COL5A2: variants seen among roughly 807,000 people sequenced by gnomAD.
COL5A2 encodes collagen alpha-2(V) chain.
COL5A2 carries 23 observed loss-of-function variants against 208.2 expected under a neutral mutation model. That is an observed-to-expected ratio of 0.11 (90% CI 0.08 to 0.16). The LOEUF (loss-of-function observed/expected upper bound fraction) is 0.16. Ranked by LOEUF, COL5A2 falls within the 10% of genes least tolerant of loss-of-function variation. The probability of loss-of-function intolerance (pLI) is 1.00; values close to 1 mark genes in which losing one functional copy is unlikely to be tolerated. For synonymous variants in COL5A2, 625 were observed against 628.5 expected (o/e 0.99, Z 0.08); for missense variants, 1,590 against 1,956.4 (o/e 0.81, Z 3.53).
At chr2:189,133,159 T>C (rs1346881414) in intron 1 of COL5A2, 2 of 134,710 alleles carry the variant, frequency 1.5e-5, no homozygotes, top group Non-Finnish European at 3.1e-5. Flanking sequence ...TCTTGCTCTG[T>C]CGGCAGGCTG....
the COL5A2 span, among the ~76,000 whole-genome samples, chr2:189,428,439 G>C: frequency 6.6e-6 from 1 of 152,100 alleles, no homozygotes; most frequent in Admixed American, 6.6e-5. Context: ...CTAACATAGT[G>C]AAATCCCATC....
chr2:189,100,442 A>G (rs1687025409), intron 3 of COL5A2, among the ~76,000 whole-genome samples: 3 of 152,126 alleles, frequency 2.0e-5, no homozygotes, highest in Admixed American at 2.0e-4. Flanking sequence ...TAGTTGCAAC[A>G]AAAAGATGTA....
At chr2:189,271,195 G>A in the COL5A2 span, among the ~76,000 whole-genome samples, 23 of 151,942 alleles carry the variant, frequency 1.5e-4, no homozygotes, top group Non-Finnish European at 2.1e-4. Context: ...AGCCCGTATC[G>A]TCAAGACAAT....
the COL5A2 span, among the ~76,000 whole-genome samples, chr2:189,240,775 A>G: frequency 6.6e-6 from 1 of 152,170 alleles, no homozygotes; most frequent in Non-Finnish European, 1.5e-5. Context: ...TTTTCATAAT[A>G]TAATCTTCAG....
At chr2:189,063,919 T>C in intron 26 of COL5A2, 61 bp downstream of exon 26, 2 of 1,303,020 alleles carry the variant, frequency 1.5e-6, no homozygotes, top group East Asian at 2.3e-5. Flanking sequence ...ATAAATATCA[T>C]TTAAGTTGCA....
At chr2:189,149,256 A>G (rs547500944) in intron 1 of COL5A2, among the ~76,000 whole-genome samples, 16 of 152,236 alleles carry the variant, frequency 1.1e-4, no homozygotes, top group Non-Finnish European at 2.2e-4. Flanking sequence ...CCATGATAAC[A>G]TCTTATATGT....
intron 32 of COL5A2, 53 bp from the exon 33 acceptor site, chr2:189,058,580 T>G: frequency 6.8e-7 from 1 of 1,476,206 alleles, no homozygotes; most frequent in Non-Finnish European, 9.5e-7. Context: ...TAAAAATAGG[T>G]CAAAATGTTT....
chr2:189,151,828 A>G (rs1355288306), intron 1 of COL5A2, among the ~76,000 whole-genome samples: 5 of 152,180 alleles, frequency 3.3e-5, no homozygotes, highest in African/African-American at 9.6e-5. Flanking sequence ...CTATCCTAGT[A>G]AGAAATTATA....
At chr2:189,364,560 AC>A in the COL5A2 span, among the ~76,000 whole-genome samples, 2 of 151,974 alleles carry the variant, frequency 1.3e-5, no homozygotes, top group African/African-American at 4.8e-5. Flanking sequence ...GGTGGTGGGC[AC>A]CTGTCATTCC....
At chr2:189,376,095 T>C in the COL5A2 span, among the ~76,000 whole-genome samples, 2 of 152,250 alleles carry the variant, frequency 1.3e-5, no homozygotes, top group African/African-American at 4.8e-5. Flanking sequence ...CTTGTTTTAT[T>C]ATGTGGCTCT....
chr2:189,388,723 A>G, the COL5A2 span, among the ~76,000 whole-genome samples: 1 of 152,188 alleles, frequency 6.6e-6, no homozygotes. Flanking sequence ...ACTATAAAGG[A>G]ATATGCTCCC....
chr2:189,057,508 T>A, intron 33 of COL5A2, 81 bp from the exon 34 acceptor site: 2 of 1,004,154 alleles, frequency 2.0e-6, no homozygotes, highest in Non-Finnish European at 3.2e-6. Context: ...GGGTCAAAAG[T>A]AGTTGTCAGC....
chr2:189,085,254 C>G, intron 10 of COL5A2, 41 bp from the exon 11 acceptor site: 1 of 1,490,312 alleles, frequency 6.7e-7, no homozygotes, highest in African/African-American at 1.4e-5. Context: ...AGAATATTTA[C>G]CTTTACTTGC....
intron 2 of COL5A2, 44 bp from the exon 3 acceptor site, chr2:189,104,321 A>G: frequency 1.6e-6 from 2 of 1,269,020 alleles, no homozygotes; most frequent in Non-Finnish European, 2.3e-6. Flanking sequence ...TGAGGAAACA[A>G]TTATTGAGAA....
rs1488633067 is a variant in COL5A2 at position 189,092,370 on chromosome 2, T to G, written c.507A>C (p.Gln169His). ...GIDGEPGVPG[Q>H]PGAPGPPGHP... ...GTCCAGGAGGTCCTGGAGCACCAGG[T>G]TGACCAGGAACACCTGGTTCTCCAT... The change falls in exon 7 of 54, where the codon CAA becomes CAC. Residue 169 changes from glutamine to histidine, a missense_variant. Physicochemically the swap from Gln to His is conservative, Grantham distance 24 (BLOSUM62 0). Transcript: ENST00000374866. The G allele has an allele frequency of 6.2e-7, 1 of 1,609,194 alleles. No homozygotes were observed. Among genetic ancestry groups the G allele is most frequent in the African/African-American group, 1.3e-5 (1 of 74,968 alleles).
chr2:189,350,642 C>T, the COL5A2 span, among the ~76,000 whole-genome samples: 1 of 152,130 alleles, frequency 6.6e-6, no homozygotes, highest in Non-Finnish European at 1.5e-5. Context: ...GTGGAATGAA[C>T]TGAGCTGTGG....
rs144783715 is a variant in COL5A2 at position 189,043,629 on chromosome 2, C to T, written c.3364-371G>A. ...ATATTATTATATAAAAATATTGCTA[C>T]CATATATAGATTCTTTTAAATTAAA... On this transcript the variant is annotated intron_variant, in intron 47 of 53. Coordinates refer to ENST00000374866, the MANE Select transcript of COL5A2 (RefSeq NM_000393.5). Among the ~76,000 whole-genome samples the T allele has an allele frequency of 3.5e-4, 53 of 152,116 alleles. No individual in the cohort carries two copies. The East Asian group carries it at 8.9e-3, about 26-fold the overall frequency.
chr2:189,439,340 T>A, the COL5A2 span, among the ~76,000 whole-genome samples: 1 of 152,348 alleles, frequency 6.6e-6, no homozygotes, highest in East Asian at 1.9e-4. Flanking sequence ...AGTAAATATT[T>A]CCTGGATGGA....
the COL5A2 span, among the ~76,000 whole-genome samples, chr2:189,373,463 C>G: frequency 6.6e-6 from 1 of 152,106 alleles, no homozygotes; most frequent in Non-Finnish European, 1.5e-5. Flanking sequence ...TTCAATATGA[C>G]CCCTGAGGGT....
Sources: allele counts gnomAD v4.1 joint callset (sites outside exome capture counted in the v4.1 genomes callset), GRCh38; gene constraint gnomAD v4.1.1; transcripts MANE v1.5; gene names NCBI Gene and HGNC (gene_info 2026-07-23, HGNC 2026-07-21).